The following ZNF347 variants were observed in gnomAD, a reference collection of about 807,000 sequenced individuals.
ZNF347 encodes the protein CTD-2620I22.7.
In ZNF347, 19 loss-of-function variants were observed where a neutral mutation model predicts 12.9. The observed-to-expected ratio is 1.47, with a 90% confidence interval of 1.03 to 2.16. The LOEUF (loss-of-function observed/expected upper bound fraction) is 2.16. Ranked by LOEUF, ZNF347 falls within the 30% of genes most tolerant of loss-of-function variation. The pLI is 0.00. For missense variants in ZNF347, 1,005 were observed against 990.6 expected (o/e 1.01, Z -0.19); for synonymous variants, 328 against 340.6 (o/e 0.96, Z 0.41).
intron 4 of ZNF347, 114 bp downstream of exon 4, chr19:53,148,567 T>A: frequency 8.0e-7 from 1 of 1,254,464 alleles, no homozygotes; most frequent in Admixed American, 2.4e-5. Context: ...TAAAGATTTC[T>A]GTTCTGAGGT....
chr19:53,139,420 A>G lies in ZNF347; in HGVS notation c.*888T>C, dbSNP rs1477411496. ...GGTTCTTTCCCAGATAGGCACCACGAAAGGTGCTTAAGGATGCAAAATAGC... is the reference window on the plus strand; with the variant it reads ...GGTTCTTTCCCAGATAGGCACCACGGAAGGTGCTTAAGGATGCAAAATAGC... On this transcript the variant is annotated 3_prime_UTR_variant, in exon 5 of 5. Transcript: ENST00000334197. 2.0e-5 allele frequency: 3 copies of G among 152,232 alleles called. No individual in the cohort carries two copies. The highest frequency in any genetic ancestry group is 2.4e-5 in the African/African-American group (1 of 41,470). The allele number at this position is 152,232 out of a possible 1,614,324, so 9.4% of individuals were successfully genotyped here. A position where few individuals can be genotyped will look rare whatever the true frequency, so the allele number is the denominator to read the frequency against.
At position 53,157,685 on chromosome 19, in the gene ZNF347, G is replaced by A. The variant is rs144090961; in HGVS notation, c.-47+1324C>T. On this transcript the variant is annotated intron_variant, in intron 1 of 4. Transcript: ENST00000334197. ...CTTGCCCCACTCTCTGGCACCCCCA[G>A]ATCCCAGGCCTCCCCCTGCTGTGGT... Among the ~76,000 whole-genome samples, 32 of 152,126 alleles carry A rather than the reference G, an allele frequency of 2.1e-4. No homozygotes were observed. The East Asian group carries it at 4.7e-3, about 22-fold the overall frequency.
chr19:53,154,389 C>T (rs2090518714), intron 1 of ZNF347, among the ~76,000 whole-genome samples: 1 of 151,856 alleles, frequency 6.6e-6, no homozygotes, highest in African/African-American at 2.4e-5. Flanking sequence ...CTTTGGGAGG[C>T]CTAGATGCTG....
At position 53,140,269 on chromosome 19, in the gene ZNF347, T is replaced by C; in HGVS notation, c.*39A>G. The C allele has an allele frequency of 2.0e-6, 3 of 1,506,416 alleles. No individual in the cohort carries two copies. The highest frequency in any genetic ancestry group is 2.7e-6 in the Non-Finnish European group (3 of 1,124,740). 93.3% of individuals were successfully genotyped at this position (1,506,416 alleles called of 1,614,324 possible). On this transcript the variant is annotated 3_prime_UTR_variant, in exon 5 of 5. Coordinates refer to ENST00000334197, the MANE Select transcript of ZNF347 (RefSeq NM_032584.3). ...CGTTGTCAAAGGAATGAATTCTAAC[T>C]GCAAAAGTTACCACCTTCATTTGTA...
chr19:53,151,337 C>T (rs913942804), intron 2 of ZNF347, among the ~76,000 whole-genome samples: 1 of 151,896 alleles, frequency 6.6e-6, no homozygotes, highest in African/African-American at 2.4e-5. Flanking sequence ...AGATCAAGAC[C>T]ATCCTGGCTA....
intron 2 of ZNF347, among the ~76,000 whole-genome samples, chr19:53,152,142 A>G (rs2090502685): frequency 6.6e-6 from 1 of 151,378 alleles, no homozygotes; most frequent in African/African-American, 2.4e-5. Flanking sequence ...AAAAACACGC[A>G]CTCACGTCAC....
intron 1 of ZNF347, among the ~76,000 whole-genome samples, chr19:53,154,979 C>A (rs2090522587): frequency 6.6e-6 from 1 of 151,756 alleles, no homozygotes; most frequent in African/African-American, 2.4e-5. Flanking sequence ...CTCTTGTCAC[C>A]CAGGCTGGAG....
intron 4 of ZNF347, among the ~76,000 whole-genome samples, chr19:53,145,544 C>G (rs1226045296): frequency 6.6e-6 from 1 of 151,662 alleles, no homozygotes; most frequent in Non-Finnish European, 1.5e-5. Flanking sequence ...AGGCACACAC[C>G]ACCATGCCCA....
rs868019215 is a variant in ZNF347, at chr19:53,135,325, T to G, written c.*4983A>C. On this transcript the variant is annotated 3_prime_UTR_variant, in exon 5 of 5. Transcript: ENST00000334197. Reference sequence around the variant, plus strand: ...ATATATATATATATATATATATATATATATATATATATATAGAGAGAGAGA... The same window carrying G: ...ATATATATATATATATATATATATAGATATATATATATATAGAGAGAGAGA... 9.8e-3 allele frequency: 447 copies of G among 45,798 alleles called. 2 individuals carry two copies. Among genetic ancestry groups the G allele is most frequent in the Non-Finnish European group, 9.9e-3 (210 of 21,182 alleles). 2.8% of individuals were successfully genotyped at this position (45,798 alleles called of 1,614,324 possible). A position where few individuals can be genotyped will look rare whatever the true frequency, so the allele number is the denominator to read the frequency against.
chr19:53,152,702 A>G (rs1052004780), intron 2 of ZNF347, among the ~76,000 whole-genome samples: 3 of 152,110 alleles, frequency 2.0e-5, no homozygotes, highest in African/African-American at 7.2e-5. Context: ...AGGCCGAGGC[A>G]GGTGGATCAC....
At chr19:53,157,414 C>T (rs1353328794) in intron 1 of ZNF347, among the ~76,000 whole-genome samples, 1 of 152,058 alleles carries the variant, frequency 6.6e-6, no homozygotes, top group African/African-American at 2.4e-5. Flanking sequence ...CTCACATTAG[C>T]TTATTTTTTA....
In ZNF347 at chr19:53,140,307, A is replaced by C. The variant is rs373759162; in HGVS notation, c.*1T>G. The C allele has an allele frequency of 7.6e-5, 117 of 1,538,680 alleles. No homozygotes were observed. Among genetic ancestry groups the C allele is most frequent in the Non-Finnish European group, 9.6e-5 (110 of 1,147,110 alleles). The stretch of plus-strand genomic sequence containing the variant: ...ACCTTCATTTGTAAGGTTTCTCTCC[A>C]CTATGAATTCTGTGATGGCTTGCAA... On this transcript the variant is annotated 3_prime_UTR_variant, in exon 5 of 5. Coordinates refer to ENST00000334197, the MANE Select transcript of ZNF347 (RefSeq NM_032584.3).
At chr19:53,158,885 A>C (rs540510814) in intron 1 of ZNF347, 124 bp downstream of exon 1, 1 of 149,068 alleles carries the variant, frequency 6.7e-6, no homozygotes, top group Non-Finnish European at 1.5e-5. Context: ...CAACAAGAGT[A>C]AATCTCCGTC....
In ZNF347 at chr19:53,139,140, A is replaced by G. The variant is rs1184171287; in HGVS notation, c.*1168T>C. 2 of 152,166 alleles carry G rather than the reference A, an allele frequency of 1.3e-5. No homozygotes were observed. Among genetic ancestry groups the G allele is most frequent in the African/African-American group, 2.4e-5 (1 of 41,442 alleles). The allele number at this position is 152,166 out of a possible 1,614,324, so 9.4% of individuals were successfully genotyped here. A position where few individuals can be genotyped will look rare whatever the true frequency, so the allele number is the denominator to read the frequency against. On this transcript the variant is annotated 3_prime_UTR_variant, in exon 5 of 5. Coordinates refer to ENST00000334197, the MANE Select transcript of ZNF347 (RefSeq NM_032584.3). ...ATTACTCTCCTCTCATAAAAATTCC[A>G]GTGTCCTGAGGTCTTGGCCTGCTCA...
chr19:53,140,553 G>T lies in ZNF347; in HGVS notation c.2275C>A (p.His759Asn). Residue 759 changes from histidine (H) to asparagine (N), a missense_variant, in exon 5 of 5, where the codon CAT (histidine) becomes AAT (asparagine). By Grantham distance (68) the His-to-Asn change is moderately conservative. Coordinates refer to ENST00000334197, the MANE Select transcript of ZNF347 (RefSeq NM_032584.3). ...NSHLARHRGIHTGEKPYKCNE... is the reference protein window; with the variant it reads ...NSHLARHRGINTGEKPYKCNE... ...CACTTGTAAGGTTTCTCTCCAGTAT[G>T]AATTCCCCGATGTCTTGCAAGGTGT... 1 of 1,613,962 alleles carries T rather than the reference G, an allele frequency of 6.2e-7. No individual in the cohort carries two copies. The highest frequency in any genetic ancestry group is 2.2e-5 in the East Asian group (1 of 44,870).
At chr19:53,150,167 A>G (rs967221307) in intron 2 of ZNF347, among the ~76,000 whole-genome samples, 5 of 152,150 alleles carry the variant, frequency 3.3e-5, no homozygotes, top group Admixed American at 2.6e-4. Context: ...TGTTGGATTG[A>G]GCCCTCAACC....
Position 53,149,236 on chromosome 19 carries a change from C to T in ZNF347, c.142+5G>A, listed in dbSNP as rs2090482050. On this transcript the variant is annotated splice_donor_5th_base_variant and intron_variant, in intron 3 of 4. Coordinates refer to ENST00000334197, the MANE Select transcript of ZNF347 (RefSeq NM_032584.3). ...TCCTGACTTCTGGAAGAAAGTCATC[C>T]TCACCCAGGGAGGCCAGGTTCCTAT... 1.2e-6 allele frequency: 2 copies of T among 1,611,018 alleles called. No individual in the cohort carries two copies. The highest frequency in any genetic ancestry group is 1.7e-6 in the Non-Finnish European group (2 of 1,179,102).
In ZNF347 at chr19:53,153,569, G is replaced by T. The variant is rs575332884; in HGVS notation, c.15+164C>A. On this transcript the variant is annotated intron_variant, in intron 2 of 4. Transcript: ENST00000334197. ...AAGCTCATGTCACTGGGTCACGAGA[G>T]ATGGAATCTAAGTGAGATGAGAGGG... Among the ~76,000 whole-genome samples the T allele has an allele frequency of 2.6e-5, 4 of 152,340 alleles. No homozygotes were observed. The East Asian group carries it at 7.7e-4, about 29-fold the overall frequency.
At position 53,140,162 on chromosome 19, in the gene ZNF347, A is replaced by G. The variant is rs1199877142; in HGVS notation, c.*146T>C. ...TGATCCACCTGCCTCGGACTCCCAA[A>G]GTGTTGGGATTACAGGCATGAGCCA... On this transcript the variant is annotated 3_prime_UTR_variant, in exon 5 of 5. Transcript: ENST00000334197. 67 of 787,596 alleles carry G rather than the reference A, an allele frequency of 8.5e-5. No homozygotes were observed. The allele number at this position is 787,596 out of a possible 1,614,324, so 48.8% of individuals were successfully genotyped here.
Sources: allele counts gnomAD v4.1 joint callset (sites outside exome capture counted in the v4.1 genomes callset), GRCh38; gene constraint gnomAD v4.1.1; transcripts MANE v1.5; gene names NCBI Gene and HGNC (gene_info 2026-07-23, HGNC 2026-07-21).